The following CSMD1 variants were observed in gnomAD, a reference collection of about 807,000 sequenced individuals.
CSMD1 encodes the protein CUB and Sushi multiple domains 1, also known as CUB and sushi domain-containing protein 1.
A neutral mutation model predicts 417.5 loss-of-function variants in CSMD1; 213 were observed. That is an observed-to-expected ratio of 0.51 (90% CI 0.46 to 0.57). The LOEUF (loss-of-function observed/expected upper bound fraction) is 0.57, where lower values mean the gene tolerates loss of function less well. Ranked by LOEUF, CSMD1 falls within the 20% of genes least tolerant of loss-of-function variation. The pLI is 0.00. For missense variants in CSMD1, 6,923 were observed against 4,529.7 expected, an observed-to-expected ratio of 1.53 and a Z score of -15.17; for synonymous variants, 2,862 against 1,736.8, an observed-to-expected ratio of 1.65 and a Z score of -16.11.
intron 7 of CSMD1, among the ~76,000 whole-genome samples, chr8:3,692,393 T>G (rs1244826948): frequency 1.3e-5 from 2 of 151,992 alleles, no homozygotes; most frequent in African/African-American, 4.8e-5. Flanking sequence ...GCTTGTCACT[T>G]CTAACGTGCC....
At position 4,287,805 on chromosome 8, in the gene CSMD1, C is replaced by A. The variant is rs905614681; in HGVS notation, c.415+132148G>T. Among the ~76,000 whole-genome samples, 13 of 152,052 alleles carry A rather than the reference C, an allele frequency of 8.5e-5. No individual in the cohort carries two copies. The East Asian group carries it at 1.4e-3, about 16-fold the overall frequency. On this transcript the variant is annotated intron_variant, in intron 3 of 69. Coordinates refer to ENST00000635120, the MANE Select transcript of CSMD1 (RefSeq NM_033225.6). ...TGGACTCATACTATCTCTCCTCCAA[C>A]CTCTCTGTGGCCCACTGAATGCATT...
rs1164053952 is a variant in CSMD1, at chr8:4,056,111, T to G, written c.416-24012A>C. On this transcript the variant is annotated intron_variant, in intron 3 of 69. Coordinates refer to ENST00000635120, the MANE Select transcript of CSMD1 (RefSeq NM_033225.6). The stretch of plus-strand genomic sequence containing the variant: ...TTTTTTTTTTTTTTGAGACAGAGTC[T>G]CACTTTGTCACCCAAGCTGCAATAC... Among the ~76,000 whole-genome samples the G allele has an allele frequency of 2.2e-5, 3 of 135,610 alleles. No individual in the cohort carries two copies. The Admixed American group carries it at 2.7e-4, about 12-fold the overall frequency. 89.0% of individuals were successfully genotyped at this position (135,610 alleles called of 152,430 possible).
intron 68 of CSMD1, among the ~76,000 whole-genome samples, chr8:2,943,506 G>T (rs1417094075): frequency 6.6e-6 from 1 of 152,104 alleles, no homozygotes. Context: ...GGAATTACAG[G>T]CTTAAGCCAC....
Position 4,026,001 on chromosome 8 carries a change from AGG to A in CSMD1, c.610+5902_610+5903del, listed in dbSNP as rs1797046192. Among the ~76,000 whole-genome samples the A allele has an allele frequency of 2.2e-5, 3 of 134,922 alleles. No individual in the cohort carries two copies. The Admixed American group carries it at 2.4e-4, about 11-fold the overall frequency. 88.5% of individuals were successfully genotyped at this position (134,922 alleles called of 152,430 possible). On this transcript the variant is annotated intron_variant, in intron 4 of 69. Transcript: ENST00000635120. ...AGAAGGAGACAGTCATGCTACTGTT[AGG>A]AACTCTATAAAAAAAAAAAAAACTC...
At chr8:3,276,340 G>T (rs1392564739) in intron 26 of CSMD1, among the ~76,000 whole-genome samples, 1 of 152,170 alleles carries the variant, frequency 6.6e-6, no homozygotes, top group African/African-American at 2.4e-5. Flanking sequence ...AGATGGAAAT[G>T]CAGAAATCAC....
chr8:4,667,672 G>A (rs1036106466), intron 1 of CSMD1, among the ~76,000 whole-genome samples: 1 of 151,992 alleles, frequency 6.6e-6, no homozygotes, highest in Non-Finnish European at 1.5e-5. Flanking sequence ...AGTGATTGTT[G>A]GTTAAAGAAA....
Position 3,188,984 on chromosome 8 carries a change from C to T in CSMD1, c.5426G>A (p.Arg1809Gln), listed in dbSNP as rs770980133. Residue 1809 changes from arginine (R) to glutamine (Q), a missense_variant, in exon 35 of 70, where the codon CGA becomes CAA. Physicochemically the swap from Arg to Gln is conservative, Grantham distance 43. Transcript: ENST00000635120. ...GCCGGGGGACAGGATTGTACCTCTT[C>T]GTTGAGTGAAATTGCCACTGCAGGG... Reference protein sequence around the residue: ...VVPCSGNFTQRRGTILSPGYP... With the variant: ...VVPCSGNFTQQRGTILSPGYP... The T allele has an allele frequency of 1.7e-5, 28 of 1,613,136 alleles. No individual in the cohort carries two copies. Among genetic ancestry groups the T allele is most frequent in the Non-Finnish European group, 2.4e-5 (28 of 1,179,576 alleles).
At chr8:4,737,820 C>A (rs543330992) in intron 1 of CSMD1, among the ~76,000 whole-genome samples, 1 of 152,116 alleles carries the variant, frequency 6.6e-6, no homozygotes, top group East Asian at 1.9e-4. Flanking sequence ...AAGTAATGGG[C>A]AGCATATGGT....
chr8:4,914,931 T>C (rs1382812030), intron 1 of CSMD1, among the ~76,000 whole-genome samples: 2 of 152,122 alleles, frequency 1.3e-5, no homozygotes, highest in Non-Finnish European at 1.5e-5. Flanking sequence ...AGAACATTTA[T>C]CCAAAGAAAA....
At chr8:4,183,911 G>T (rs1454604286) in intron 3 of CSMD1, among the ~76,000 whole-genome samples, 1 of 152,118 alleles carries the variant, frequency 6.6e-6, no homozygotes, top group Non-Finnish European at 1.5e-5. Flanking sequence ...ACAGCTTGGG[G>T]CAGCTACCAC....
intron 63 of CSMD1, among the ~76,000 whole-genome samples, chr8:2,956,654 C>A (rs1451023057): frequency 6.6e-6 from 1 of 151,956 alleles, no homozygotes; most frequent in Non-Finnish European, 1.5e-5. Context: ...GATGGGATTT[C>A]ACCATGTTAG....
At chr8:4,657,749 G>C (rs758190341) in intron 1 of CSMD1, among the ~76,000 whole-genome samples, 3 of 144,736 alleles carry the variant, frequency 2.1e-5, no homozygotes, top group African/African-American at 2.5e-5. Flanking sequence ...CCCTGAAAAA[G>C]CACGGACATT....
chr8:3,887,423 G>A (rs1005212988), intron 5 of CSMD1, among the ~76,000 whole-genome samples: 1 of 152,118 alleles, frequency 6.6e-6, no homozygotes, highest in African/African-American at 2.4e-5. Flanking sequence ...GAAATGTATG[G>A]ACAAATTATA....
intron 5 of CSMD1, among the ~76,000 whole-genome samples, chr8:3,952,279 T>C (rs1811647162): frequency 6.6e-6 from 1 of 152,158 alleles, no homozygotes; most frequent in Non-Finnish European, 1.5e-5. Context: ...CAGTAAATAC[T>C]TCTAGAGGCT....
chr8:3,107,823 T>G, intron 44 of CSMD1, 25 bp from the exon 45 acceptor site: 1 of 1,449,290 alleles, frequency 6.9e-7, no homozygotes. Flanking sequence ...GAAAGAATAA[T>G]AATAATTGCA....
At chr8:4,368,546 G>A (rs941699645) in intron 3 of CSMD1, among the ~76,000 whole-genome samples, 21 of 152,134 alleles carry the variant, frequency 1.4e-4, no homozygotes, top group African/African-American at 5.1e-4. Flanking sequence ...TAGTAAGATA[G>A]GTACTAGCTC....
intron 3 of CSMD1, among the ~76,000 whole-genome samples, chr8:4,357,308 T>A (rs994681836): frequency 3.3e-5 from 5 of 152,226 alleles, no homozygotes; most frequent in African/African-American, 9.6e-5. Context: ...TTTCTCACAT[T>A]TCCTCCTGAT....
intron 26 of CSMD1, among the ~76,000 whole-genome samples, chr8:3,279,891 T>C (rs1046929726): frequency 1.3e-5 from 2 of 152,156 alleles, no homozygotes; most frequent in African/African-American, 4.8e-5. Flanking sequence ...CTCCACCTGG[T>C]CCCACCCTTG....
At chr8:4,817,270 G>T (rs1364929736) in intron 1 of CSMD1, among the ~76,000 whole-genome samples, 1 of 152,136 alleles carries the variant, frequency 6.6e-6, no homozygotes, top group Non-Finnish European at 1.5e-5. Flanking sequence ...CCACTAATAT[G>T]TGTGCCAGGC....
Sources: allele counts gnomAD v4.1 joint callset (sites outside exome capture counted in the v4.1 genomes callset), GRCh38; gene constraint gnomAD v4.1.1; transcripts MANE v1.5; gene names NCBI Gene and HGNC (gene_info 2026-07-23, HGNC 2026-07-21).